The following DMD variants were observed in gnomAD, a reference collection of about 807,000 sequenced individuals.
DMD encodes the protein dystrophin.
A neutral mutation model predicts 330.1 loss-of-function variants in DMD; 63 were observed. The observed-to-expected ratio is 0.19, with a 90% confidence interval of 0.16 to 0.24. The LOEUF is 0.24. Among genes scored for constraint, DMD ranks in the 10% least tolerant of loss-of-function variants. The pLI, the probability that DMD is intolerant of heterozygous loss-of-function variation, is 1.00. For missense variants in DMD, 3,344 were observed against 2,684.1 expected (o/e 1.25, Z -5.43); for synonymous variants, 1,223 against 959.8 (o/e 1.27, Z -5.07).
chrX:31,998,824 T>A (rs1349896542), intron 44 of DMD, among the ~76,000 whole-genome samples: 1 of 112,351 alleles, frequency 8.9e-6, no homozygotes, highest in Non-Finnish European at 1.9e-5. Flanking sequence ...CTACAATGCA[T>A]AATCTGTGAA....
chrX:32,934,840 A>T (rs1221036757), intron 2 of DMD, among the ~76,000 whole-genome samples: 1 of 111,900 alleles, frequency 8.9e-6, no homozygotes, highest in African/African-American at 3.2e-5. Context: ...ATTGCCTTTG[A>T]TTTCTTTTGT....
At chrX:33,282,190 C>G (rs2053344348) in intron 1 of DMD, among the ~76,000 whole-genome samples, 1 of 111,341 alleles carries the variant, frequency 9.0e-6, no homozygotes, top group Non-Finnish European at 1.9e-5. Context: ...AACCAGGTCA[C>G]TTATTATGAT....
At chrX:33,243,264 A>C (rs985475855) in intron 1 of DMD, among the ~76,000 whole-genome samples, 17 of 112,080 alleles carry the variant, frequency 1.5e-4, no homozygotes, top group African/African-American at 5.5e-4. Flanking sequence ...ATAGATTGCT[A>C]TGGGAATGCT....
intron 52 of DMD, among the ~76,000 whole-genome samples, chrX:31,711,670 G>A (rs1349255681): frequency 1.8e-5 from 2 of 109,617 alleles, no homozygotes; most frequent in African/African-American, 3.3e-5. Flanking sequence ...GATTTCACAC[G>A]TAAAGAAAAT....
intron 7 of DMD, among the ~76,000 whole-genome samples, chrX:32,731,703 T>G (rs762106171): frequency 3.7e-3 from 410 of 111,943 alleles, no homozygotes; most frequent in Non-Finnish European, 6.6e-3. Flanking sequence ...CTGAGGGTCC[T>G]GTCTGTTAGA....
chrX:32,170,916 C>A (rs73456195), intron 44 of DMD, among the ~76,000 whole-genome samples: 2 of 110,891 alleles, frequency 1.8e-5, no homozygotes, highest in Admixed American at 1.9e-4. Flanking sequence ...CTGACTGACT[C>A]CTAAGTGATA....
intron 43 of DMD, among the ~76,000 whole-genome samples, chrX:32,282,241 T>C: frequency 9.0e-6 from 1 of 111,727 alleles, no homozygotes; most frequent in Non-Finnish European, 1.9e-5. Flanking sequence ...ACATCTGACA[T>C]TTAGTAGGCC....
intron 47 of DMD, among the ~76,000 whole-genome samples, chrX:31,891,682 A>G (rs897050414): frequency 6.3e-5 from 7 of 111,770 alleles, no homozygotes; most frequent in Admixed American, 2.9e-4. Flanking sequence ...TTGATCCACA[A>G]TAGCGGTGTT....
intron 45 of DMD, among the ~76,000 whole-genome samples, chrX:31,957,900 A>G (rs1462646730): frequency 9.0e-6 from 1 of 111,429 alleles, no homozygotes; most frequent in Non-Finnish European, 1.9e-5. Context: ...TTTCTTTTGT[A>G]AACAAAGGTA....
At chrX:31,575,893 A>G (rs1385091478) in intron 55 of DMD, among the ~76,000 whole-genome samples, 1 of 112,360 alleles carries the variant, frequency 8.9e-6, no homozygotes, top group Non-Finnish European at 1.9e-5. Flanking sequence ...AGCATCATCA[A>G]GTAAGTCTAG....
At chrX:32,723,491 G>C (rs192269106) in intron 7 of DMD, among the ~76,000 whole-genome samples, 2 of 111,238 alleles carry the variant, frequency 1.8e-5, no homozygotes, top group East Asian at 2.8e-4. Context: ...AAGAACAAAT[G>C]GTATAAATTA....
chrX:31,229,889 A>C (rs1369429057), intron 63 of DMD, among the ~76,000 whole-genome samples: 1 of 112,251 alleles, frequency 8.9e-6, no homozygotes, highest in African/African-American at 3.2e-5. Context: ...TGCCAGCTCA[A>C]ACTCACTAGA....
At chrX:32,333,676 G>A (rs1166428468) in intron 41 of DMD, among the ~76,000 whole-genome samples, 1 of 111,094 alleles carries the variant, frequency 9.0e-6, no homozygotes, top group Non-Finnish European at 1.9e-5. Flanking sequence ...TATCACTACA[G>A]ATAATGCCTC....
chrX:31,904,669 C>G (rs369954241), intron 47 of DMD, among the ~76,000 whole-genome samples: 3 of 111,601 alleles, frequency 2.7e-5, no homozygotes, highest in African/African-American at 9.8e-5. Context: ...CCACATGGAA[C>G]TGAAACTTAC....
In DMD at chrX:32,212,486, G is replaced by C. The variant is rs772759776; in HGVS notation, c.6438+4430C>G. Among the ~76,000 whole-genome samples, 16 of 111,678 alleles carry C rather than the reference G, an allele frequency of 1.4e-4. No homozygotes were observed. In the South Asian group the frequency reaches 6.0e-3, roughly 42 times the overall value. On this transcript the variant is annotated intron_variant, in intron 44 of 78. Transcript: ENST00000357033. Reference sequence around the variant, plus strand: ...TCATTTATATTTCCATTTTAGAGAAGAGAAATCAGAGACATGAAAAGAATT... The same window carrying C: ...TCATTTATATTTCCATTTTAGAGAACAGAAATCAGAGACATGAAAAGAATT...
At chrX:32,418,790 G>A (rs745621401) in intron 29 of DMD, among the ~76,000 whole-genome samples, 22 of 108,417 alleles carry the variant, frequency 2.0e-4, no homozygotes, top group African/African-American at 7.1e-4. Flanking sequence ...TGGCTGACAC[G>A]GTGAAACCCT....
At chrX:31,527,174 T>C (rs1373092407) in intron 55 of DMD, among the ~76,000 whole-genome samples, 1 of 111,627 alleles carries the variant, frequency 9.0e-6, no homozygotes, top group Non-Finnish European at 1.9e-5. Flanking sequence ...TGATAGGATT[T>C]CCAAGAATAT....
At chrX:32,060,189 G>A (rs779403957) in intron 44 of DMD, among the ~76,000 whole-genome samples, 1 of 111,507 alleles carries the variant, frequency 9.0e-6, no homozygotes, top group East Asian at 2.8e-4. Context: ...TTTAAGCGGT[G>A]ACACAGGACT....
intron 44 of DMD, among the ~76,000 whole-genome samples, chrX:32,076,736 A>G (rs965021213): frequency 9.0e-6 from 1 of 111,310 alleles, no homozygotes; most frequent in African/African-American, 3.3e-5. Context: ...ACATTATTAC[A>G]TTATAGAGGC....
Sources: gnomAD v4.1 joint callset for allele counts (sites outside exome capture counted in the v4.1 genomes callset) on GRCh38, gnomAD v4.1.1 for gene constraint, MANE v1.5 for transcripts, NCBI Gene and HGNC (gene_info 2026-07-23, HGNC 2026-07-21) for gene names.